The following SLC44A5 variants were observed in gnomAD, a reference collection of about 807,000 sequenced individuals.
SLC44A5 encodes choline transporter-like protein 5.
SLC44A5 carries 57 observed loss-of-function variants against 101.8 expected under a neutral mutation model. The ratio of observed to expected loss-of-function variants is 0.56; its 90% CI spans 0.45 to 0.70. The LOEUF (loss-of-function observed/expected upper bound fraction) is 0.70, where lower values mean the gene tolerates loss of function less well. Among genes scored for constraint, SLC44A5 ranks in the 30% least tolerant of loss-of-function variants. SLC44A5 has a pLI of 0.00. For synonymous variants in SLC44A5, 281 were observed against 290.9 expected (o/e 0.97, Z 0.35); for missense variants, 737 against 853.1 (o/e 0.86, Z 1.70).
the SLC44A5 span, among the ~76,000 whole-genome samples, chr1:75,655,253 T>C: frequency 6.6e-6 from 1 of 152,132 alleles, no homozygotes; most frequent in Non-Finnish European, 1.5e-5. Flanking sequence ...TGACACACAA[T>C]GTACCTGTGT....
chr1:75,476,200 T>C (rs1667388787), intron 2 of SLC44A5, among the ~76,000 whole-genome samples: 1 of 151,698 alleles, frequency 6.6e-6, no homozygotes, highest in South Asian at 2.1e-4. Context: ...AAAGTATATA[T>C]ATATATATAG....
At chr1:75,401,232 T>C (rs1176577286) in intron 2 of SLC44A5, among the ~76,000 whole-genome samples, 1 of 152,212 alleles carries the variant, frequency 6.6e-6, no homozygotes, top group African/African-American at 2.4e-5. Flanking sequence ...TTCCTTTAAT[T>C]TATTCACTCA....
chr1:75,644,721 T>A, the SLC44A5 span, among the ~76,000 whole-genome samples: 1 of 152,112 alleles, frequency 6.6e-6, no homozygotes, highest in South Asian at 2.1e-4. Flanking sequence ...ACATGTGCCA[T>A]GTTGGTGTGC....
the SLC44A5 span, among the ~76,000 whole-genome samples, chr1:75,647,132 T>A: frequency 6.6e-6 from 1 of 152,338 alleles, no homozygotes; most frequent in Admixed American, 6.5e-5. Context: ...AAGGCTTTGC[T>A]GCTTTGTGCA....
chr1:75,642,759 A>C, the SLC44A5 span, among the ~76,000 whole-genome samples: 1 of 152,126 alleles, frequency 6.6e-6, no homozygotes, highest in East Asian at 1.9e-4. Flanking sequence ...GCAAAGTCTC[A>C]AGAGGCAGAA....
rs1476705399 is a variant in SLC44A5 at position 75,339,773 on chromosome 1, T to TGTATG, written c.53-144_53-143insCATAC. The TGTATG allele has an allele frequency of 9.8e-6, 6 of 610,070 alleles. No homozygotes were observed. The African/African-American group carries it at 1.2e-4, about 12-fold the overall frequency. 37.8% of individuals were successfully genotyped at this position (610,070 alleles called of 1,614,324 possible). A position where few individuals can be genotyped will look rare whatever the true frequency, so the allele number is the denominator to read the frequency against. On this transcript the variant is annotated intron_variant, in intron 3 of 23. Coordinates refer to ENST00000370859, the MANE Select transcript of SLC44A5 (RefSeq NM_001130058.2). ...ATACTTTGGTTTGATGAAACATAAG[T>TGTATG]ATGTCTTGGTTACAGTTGTCAATTC...
chr1:75,682,113 A>G, the SLC44A5 span, among the ~76,000 whole-genome samples: 1 of 152,224 alleles, frequency 6.6e-6, no homozygotes, highest in Admixed American at 6.5e-5. Flanking sequence ...GAGGATACAA[A>G]TAAATGGAAG....
chr1:75,320,165 A>T (rs1337595730), intron 4 of SLC44A5, among the ~76,000 whole-genome samples: 3 of 152,172 alleles, frequency 2.0e-5, no homozygotes, highest in Admixed American at 2.0e-4. Flanking sequence ...ACAGAAGCGT[A>T]CATTTAAATT....
chr1:75,586,825 G>T (rs573068846), intron 1 of SLC44A5, among the ~76,000 whole-genome samples: 106 of 152,198 alleles, frequency 7.0e-4, no homozygotes, highest in African/African-American at 2.4e-3. Context: ...CACGGTGCCT[G>T]CAGACAGTCA....
intron 13 of SLC44A5, among the ~76,000 whole-genome samples, chr1:75,225,180 TC>T (rs1466435260): frequency 6.6e-6 from 1 of 152,220 alleles, no homozygotes; most frequent in African/African-American, 2.4e-5. Context: ...ACTGTATCTT[TC>T]TTATGTTTAG....
At chr1:75,224,382 G>C (rs1159872209) in intron 13 of SLC44A5, among the ~76,000 whole-genome samples, 1 of 152,144 alleles carries the variant, frequency 6.6e-6, no homozygotes. Flanking sequence ...TATAAAAAAA[G>C]TTATCTGTAA....
chr1:75,449,847 A>C (rs548866625), intron 2 of SLC44A5, among the ~76,000 whole-genome samples: 1 of 152,184 alleles, frequency 6.6e-6, no homozygotes, highest in African/African-American at 2.4e-5. Flanking sequence ...CTAAAAATAC[A>C]AAAATTAGCT....
At chr1:75,349,448 A>G (rs140401787) in intron 3 of SLC44A5, among the ~76,000 whole-genome samples, 6 of 152,356 alleles carry the variant, frequency 3.9e-5, no homozygotes, top group Admixed American at 3.9e-4. Context: ...GAATAGAGAT[A>G]TAGAGATGAT....
chr1:75,533,298 A>G (rs1312878945), intron 2 of SLC44A5, among the ~76,000 whole-genome samples: 1 of 152,240 alleles, frequency 6.6e-6, no homozygotes, highest in Non-Finnish European at 1.5e-5. Context: ...TGTGTCATTC[A>G]TGCAATAAAT....
At chr1:75,209,898 T>A (rs868550245) in intron 23 of SLC44A5, among the ~76,000 whole-genome samples, 11 of 152,188 alleles carry the variant, frequency 7.2e-5, no homozygotes, top group African/African-American at 2.7e-4. Flanking sequence ...TGTGTAGTTG[T>A]GCAGCTAACA....
the SLC44A5 span, among the ~76,000 whole-genome samples, chr1:75,694,206 G>A: frequency 2.6e-5 from 4 of 151,980 alleles, no homozygotes; most frequent in Non-Finnish European, 4.4e-5. Flanking sequence ...AGACATATAA[G>A]TGGAAGATTT....
chr1:75,604,110 T>C (rs1046094958), intron 1 of SLC44A5, among the ~76,000 whole-genome samples: 17 of 152,130 alleles, frequency 1.1e-4, no homozygotes, highest in Non-Finnish European at 1.0e-4. Context: ...AGAATGGTGT[T>C]TCCTATGTTT....
chr1:75,407,939 A>G (rs1358477595), intron 2 of SLC44A5, among the ~76,000 whole-genome samples: 1 of 152,254 alleles, frequency 6.6e-6, no homozygotes, highest in Admixed American at 6.5e-5. Flanking sequence ...ACAGAATGGG[A>G]GAAAATTTTT....
Position 75,243,152 on chromosome 1 carries a change from GCT to G in SLC44A5, c.346-143_346-142del, listed in dbSNP as rs1224746179. 6 of 1,069,084 alleles carry G rather than the reference GCT, an allele frequency of 5.6e-6. No homozygotes were observed. In the East Asian group the frequency reaches 1.7e-4, roughly 31 times the overall value. 66.2% of individuals were successfully genotyped at this position (1,069,084 alleles called of 1,614,324 possible). On this transcript the variant is annotated intron_variant, in intron 7 of 23. Transcript: ENST00000370859. ...CTAAGAAACCTAAATCAATTTCCTT[GCT>G]CTCTCTCTTTTTCTTTCTTTTTTAT...
Sources: gnomAD v4.1 joint callset for allele counts (sites outside exome capture counted in the v4.1 genomes callset) on GRCh38, gnomAD v4.1.1 for gene constraint, MANE v1.5 for transcripts, NCBI Gene and HGNC (gene_info 2026-07-23, HGNC 2026-07-21) for gene names.